STAG2: variants seen among roughly 807,000 people sequenced by gnomAD.
STAG2 encodes cohesin subunit SA-2.
STAG2 carries 14 observed loss-of-function variants against 108.1 expected under a neutral mutation model. The ratio of observed to expected loss-of-function variants is 0.13; its 90% CI spans 0.09 to 0.20. The LOEUF (loss-of-function observed/expected upper bound fraction) is 0.20, where lower values mean the gene tolerates loss of function less well. STAG2 is among the 10% of genes least tolerant of loss of function. The pLI, the probability that STAG2 is intolerant of heterozygous loss-of-function variation, is 1.00. For synonymous variants in STAG2, 307 were observed against 302.7 expected, an observed-to-expected ratio of 1.01 and a Z score of -0.15; for missense variants, 440 against 940.9, an observed-to-expected ratio of 0.47 and a Z score of 6.96.
intron 4 of STAG2, chrX:124,026,516 C>A: frequency 4.7e-6 from 1 of 211,270 alleles, no homozygotes; most frequent in Non-Finnish European, 1.0e-5. Context: ...TTTGACTCTG[C>A]ATGTGTGTAA....
At chrX:123,976,642 T>G (rs1429705961) in intron 1 of STAG2, among the ~76,000 whole-genome samples, 3 of 112,164 alleles carry the variant, frequency 2.7e-5, no homozygotes, top group Non-Finnish European at 5.6e-5. Context: ...ATGATAAAGT[T>G]TGTATCGACA....
intron 25 of STAG2, among the ~76,000 whole-genome samples, chrX:124,075,201 C>T (rs1421078126): frequency 1.8e-5 from 2 of 112,076 alleles, no homozygotes; most frequent in Admixed American, 9.5e-5. Context: ...AGGATATGCG[C>T]AGACTGTTCA....
intron 1 of STAG2, among the ~76,000 whole-genome samples, chrX:123,970,007 A>T: frequency 1.2e-5 from 1 of 85,211 alleles, no homozygotes; most frequent in African/African-American, 4.5e-5. Flanking sequence ...TTTTTATCTG[A>T]AGGAATTCTG....
intron 34 of STAG2, among the ~76,000 whole-genome samples, chrX:124,099,522 G>A (rs186423010): frequency 1.8e-5 from 2 of 111,142 alleles, no homozygotes; most frequent in Non-Finnish European, 3.8e-5. Flanking sequence ...TTGGGTGCAC[G>A]AGTCCTCTTT....
At chrX:124,008,193 A>T (rs2056372279) in intron 1 of STAG2, among the ~76,000 whole-genome samples, 1 of 107,713 alleles carries the variant, frequency 9.3e-6, no homozygotes, top group African/African-American at 3.4e-5. Flanking sequence ...GTTGCAATTT[A>T]TTATTATTAT....
At chrX:123,960,632 AAAAAAAAAAAAG>A, upstream of STAG2, 1 of 104,619 alleles carries the variant, frequency 9.6e-6, no homozygotes, top group African/African-American at 3.5e-5. Context: ...AAAAAAAAAA[AAAAAAAAAAAAG>A]AAAAAAAACC....
At chrX:124,010,741 C>T (rs1484106132) in intron 1 of STAG2, among the ~76,000 whole-genome samples, 1 of 111,365 alleles carries the variant, frequency 9.0e-6, no homozygotes, top group Non-Finnish European at 1.9e-5. Context: ...ATTCATTATA[C>T]GTCATTTTGC....
At position 123,967,256 on chromosome X, in the gene STAG2, ATTTTTTTTTTTTT is replaced by A. The variant is rs1177101640; in HGVS notation, c.-163+5414_-163+5426del. On this transcript the variant is annotated intron_variant, in intron 1 of 34. Transcript: ENST00000371145. ...AGAGGATGAATAATGTCAATGGTGT[ATTTTTTTTTTTTT>A]TTTTTTTTTTTTTGAGACGGAGTTT... Among the ~76,000 whole-genome samples the A allele has an allele frequency of 4.2e-4, 21 of 50,223 alleles. 1 individual carries two copies. The highest frequency in any genetic ancestry group is 0.018 in the Middle Eastern group (1 of 57). 43.6% of individuals were successfully genotyped at this position (50,223 alleles called of 115,157 possible).
At chrX:124,067,312 A>G (rs908033768) in intron 23 of STAG2, among the ~76,000 whole-genome samples, 2 of 79,247 alleles carry the variant, frequency 2.5e-5, no homozygotes, top group Non-Finnish European at 4.4e-5. Context: ...TCTGTCATCC[A>G]GGCGGGAGTG....
intron 1 of STAG2, among the ~76,000 whole-genome samples, chrX:123,972,412 A>C (rs1465021238): frequency 9.2e-6 from 1 of 108,363 alleles, no homozygotes; most frequent in Non-Finnish European, 1.9e-5. Context: ...CTGGGACTAC[A>C]GGCGCCTGCC....
chrX:124,033,768 A>G (rs1222082676), intron 5 of STAG2, among the ~76,000 whole-genome samples: 1 of 111,599 alleles, frequency 9.0e-6, no homozygotes, highest in African/African-American at 3.3e-5. Context: ...GTCTAAAAAA[A>G]CAAACAAAAA....
intron 4 of STAG2, among the ~76,000 whole-genome samples, chrX:124,027,462 T>C (rs183368468): frequency 1.1e-3 from 128 of 111,712 alleles, no homozygotes; most frequent in African/African-American, 3.9e-3. Context: ...CCATTTTTTT[T>C]CCATTAACCT....
At position 124,023,304 on chromosome X, in the gene STAG2, C is replaced by T. The variant is rs191205344; in HGVS notation, c.44+633C>T. ...AATTGCCCGTGAATCCCTTTATTTA[C>T]CCACCCCCACCACTGTATTTTTTAT... On this transcript the variant is annotated intron_variant, in intron 3 of 34. Coordinates refer to ENST00000371145, the MANE Select transcript of STAG2 (RefSeq NM_001042750.2). Among the ~76,000 whole-genome samples the T allele has an allele frequency of 6.4e-3, 708 of 110,809 alleles. 10 individuals are homozygous for T. Among genetic ancestry groups the T allele is most frequent in the African/African-American group, 0.022 (676 of 30,532 alleles).
At chrX:123,990,015 G>A (rs1365831450) in intron 1 of STAG2, among the ~76,000 whole-genome samples, 2 of 111,940 alleles carry the variant, frequency 1.8e-5, no homozygotes, top group African/African-American at 6.5e-5. Context: ...ACTGCAAGTT[G>A]TCCAGGTTCT....
chrX:124,030,889 C>T, intron 4 of STAG2, 72 bp from the exon 5 acceptor site: 1 of 1,064,732 alleles, frequency 9.4e-7, no homozygotes, highest in Non-Finnish European at 1.2e-6. Flanking sequence ...CTATCAGCTA[C>T]TTCTACTGTA....
At chrX:124,056,674 A>C (rs1231543443) in intron 14 of STAG2, among the ~76,000 whole-genome samples, 2 of 96,353 alleles carry the variant, frequency 2.1e-5, no homozygotes, top group Non-Finnish European at 4.1e-5. Flanking sequence ...CGGAGCTTGC[A>C]CTGAGCCGAG....
At chrX:124,028,483 AT>A (rs1300906622) in intron 4 of STAG2, among the ~76,000 whole-genome samples, 1 of 111,180 alleles carries the variant, frequency 9.0e-6, no homozygotes, top group East Asian at 2.8e-4. Context: ...CCTACTGAAT[AT>A]TTTTGGACTG....
chrX:124,025,807 G>A (rs751138773), intron 3 of STAG2, 33 bp from the exon 4 acceptor site: 2 of 1,012,482 alleles, frequency 2.0e-6, no homozygotes, highest in Admixed American at 2.9e-5. Flanking sequence ...AAATTTCTAA[G>A]GAAGGGTTTT....
upstream of STAG2, chrX:123,960,652 A>AAAAAAAAAAAC (rs1569483388): frequency 9.8e-6 from 1 of 102,449 alleles, no homozygotes; most frequent in African/African-American, 3.6e-5. Context: ...AAGAAAAAAA[A>AAAAAAAAAAAC]CCCCGCCGGA....
Sources: gnomAD v4.1 joint callset for allele counts (sites outside exome capture counted in the v4.1 genomes callset) on GRCh38, gnomAD v4.1.1 for gene constraint, MANE v1.5 for transcripts, NCBI Gene and HGNC (gene_info 2026-07-23, HGNC 2026-07-21) for gene names.